The following KIF17 variants were observed in gnomAD, a reference collection of about 807,000 sequenced individuals.
KIF17 encodes the protein kinesin-like protein KIF17.
Under a neutral mutation model 96.8 loss-of-function variants are expected in KIF17, and 80 were observed. The ratio of observed to expected loss-of-function variants is 0.83; its 90% CI spans 0.69 to 1.00. The LOEUF (loss-of-function observed/expected upper bound fraction) is 1.00. Among genes scored for constraint, KIF17 ranks in the 50% least tolerant of loss-of-function variants. The pLI is 0.00. For missense variants in KIF17, 1,280 were observed against 1,372.9 expected (o/e 0.93, Z 1.07); for synonymous variants, 567 against 587.5 (o/e 0.97, Z 0.51).
chr1:20,703,503 G>C (rs200535032), intron 5 of KIF17, among the ~76,000 whole-genome samples: 24 of 27,694 alleles, frequency 8.7e-4, no homozygotes, highest in East Asian at 1.9e-3. Context: ...TGGATGCATG[G>C]ATGGATGGAT....
In KIF17 at chr1:20,709,731, C is replaced by T; in HGVS notation, c.578G>A (p.Trp193Ter). 6.2e-7 allele frequency: 1 copy of T among 1,614,086 alleles called. No homozygotes were observed. The highest frequency in any genetic ancestry group is 2.2e-5 in the East Asian group (1 of 44,886). The change falls in exon 4 of 15, where the codon TGG (tryptophan) becomes TAG (stop). Residue 193 changes from tryptophan to a stop codon, truncating the protein, a stop_gained. Transcript: ENST00000400463. LOFTEE classifies it high-confidence loss of function. The surrounding 1 kb of genome is among the most constrained non-coding windows in gnomAD (Gnocchi z 4.7). Reference protein sequence around the residue: ...AQCEHIMETGWKNRSVGYTLM... With the variant: ...AQCEHIMETG ...CGTGTAGCCGACCGAACGGTTCTTCCAGCCAGTCTCCATGATGTGCTCACA... is the reference window on the plus strand; with the variant it reads ...CGTGTAGCCGACCGAACGGTTCTTCTAGCCAGTCTCCATGATGTGCTCACA...
rs187386266 is a variant in KIF17 at position 20,705,664 on chromosome 1, C to T, written c.671-765G>A. On this transcript the variant is annotated intron_variant, in intron 4 of 14. Transcript: ENST00000400463. ...CATCACTTAAAGACAGAGCCTAGGCCATGCCTTTTCCTACACATGAGATAA... is the reference window on the plus strand; with the variant it reads ...CATCACTTAAAGACAGAGCCTAGGCTATGCCTTTTCCTACACATGAGATAA... Among the ~76,000 whole-genome samples the T allele has an allele frequency of 1.2e-3, 188 of 152,220 alleles. 1 individual carries two copies. Among genetic ancestry groups the T allele is most frequent in the Admixed American group, 3.3e-3 (51 of 15,282 alleles).
chr1:20,716,658 G>A (rs1168957074), intron 1 of KIF17, among the ~76,000 whole-genome samples: 1 of 152,232 alleles, frequency 6.6e-6, no homozygotes, highest in African/African-American at 2.4e-5. Flanking sequence ...CAGATGAGGT[G>A]TGGAGAGCAG....
chr1:20,705,490 A>G (rs6702859), intron 4 of KIF17, among the ~76,000 whole-genome samples: 64,931 of 152,016 alleles, frequency 0.43, 17,083 homozygotes, highest in Non-Finnish European at 0.6. Context: ...TAGAAGCCAC[A>G]TTTGCTCTTT....
rs2054180944 is a variant in KIF17, at chr1:20,698,455, AC to A, written c.1156del (p.Val386CysfsTer12). On this transcript the variant is annotated frameshift_variant, in exon 6 of 15. Transcript: ENST00000400463. LOFTEE classifies it high-confidence loss of function. ...GGGCAACAGCTTCTCCTCCACCTGC[AC>A]AGGGTCTGGGGGCACCTGCCTGGAC... Reference protein sequence around the residue: ...LLSRQVPPDPVQVEEKLLPQP... With the variant: ...LLSRQVPPDPXQVEEKLLPQP... The A allele has an allele frequency of 1.2e-6, 2 of 1,613,630 alleles. No homozygotes were observed. Among genetic ancestry groups the A allele is most frequent in the Non-Finnish European group, 1.7e-6 (2 of 1,179,970 alleles).
Position 20,690,267 on chromosome 1 carries a change from C to A in KIF17, c.1302G>T (p.Leu434=), listed in dbSNP as rs957769759. The part of the protein sequence containing the change: ...YKAEQESRAR[L]EEDITAMRNS... ...TGCGCATGGCAGTGATGTCTTCCTC[C>A]AGCCTGGCCCGAGACTCCTGCTCGG... The change falls in exon 7 of 15, where the codon CTG becomes CTT. Residue 434 remains leucine (L), a synonymous_variant. Transcript: ENST00000400463. 6.2e-7 allele frequency: 1 copy of A among 1,611,862 alleles called. No individual in the cohort carries two copies. Among genetic ancestry groups the A allele is most frequent in the African/African-American group, 1.3e-5 (1 of 74,444 alleles).
At chr1:20,676,848 TAAAC>T (rs1326217585) in intron 11 of KIF17, among the ~76,000 whole-genome samples, 2 of 151,688 alleles carry the variant, frequency 1.3e-5, no homozygotes, top group Non-Finnish European at 1.5e-5. Context: ...TAAAATAAAA[TAAAC>T]AACAACAACA....
intron 6 of KIF17, among the ~76,000 whole-genome samples, chr1:20,694,257 C>G (rs1188443787): frequency 6.6e-6 from 1 of 152,186 alleles, no homozygotes; most frequent in African/African-American, 2.4e-5. Flanking sequence ...ACCACCACAC[C>G]CAGCTAATTT....
intron 13 of KIF17, among the ~76,000 whole-genome samples, chr1:20,668,078 A>G (rs1243963709): frequency 3.9e-5 from 6 of 151,954 alleles, no homozygotes; most frequent in Admixed American, 6.6e-5. Context: ...TGGGAGGCCA[A>G]GGTGGGCAGA....
chr1:20,691,624 ATTTTTTTTTTTTT>A (rs72410884), intron 6 of KIF17, among the ~76,000 whole-genome samples: 25 of 123,022 alleles, frequency 2.0e-4, no homozygotes, highest in Non-Finnish European at 1.8e-4. Flanking sequence ...ACGTCTGGCT[ATTTTTTTTTTTTT>A]TTTTTTTTTT....
Position 20,704,296 on chromosome 1 carries a change from AACCAGGGCCC to A in KIF17, c.1123+141_1123+150del. 7 of 674,050 alleles carry A rather than the reference AACCAGGGCCC, an allele frequency of 1.0e-5. No homozygotes were observed. Among genetic ancestry groups the A allele is most frequent in the Admixed American group, 2.1e-5 (1 of 46,978 alleles). The allele number at this position is 674,050 out of a possible 1,614,324, so 41.8% of individuals were successfully genotyped here. ...AGCAGATACCATCTGGGCCGTCTCC[AACCAGGGCCC>A]TGCGCTCACATGGGGCTGAGGGGTG... is the stretch of plus-strand genomic sequence containing the variant. On this transcript the variant is annotated intron_variant, in intron 5 of 14. Transcript: ENST00000400463. The surrounding 1 kb of genome is among the most constrained non-coding windows in gnomAD (Gnocchi z 6.8).
chr1:20,693,682 C>T (rs1367943346), intron 6 of KIF17: 1 of 152,352 alleles, frequency 6.6e-6, no homozygotes, highest in African/African-American at 2.4e-5. Flanking sequence ...ATTTTATTCT[C>T]CTGAGGAGAC....
At position 20,700,545 on chromosome 1, in the gene KIF17, T is replaced by C. The variant is rs750907368; in HGVS notation, c.1124-2057A>G. 3.3e-5 allele frequency among the ~76,000 whole-genome samples: 5 copies of C among 152,116 alleles called. No homozygotes were observed. Among genetic ancestry groups the C allele is most frequent in the Non-Finnish European group, 7.4e-5 (5 of 68,018 alleles). On this transcript the variant is annotated intron_variant, in intron 5 of 14. Transcript: ENST00000400463. The surrounding 1 kb of genome is among the most constrained non-coding windows in gnomAD (Gnocchi z 4.6). Reference sequence around the variant, plus strand: ...CTAGCAGATTTGGGGGCCCATCGAGTTGACAGTGGGATATGTTGGGTTTGA... The same window carrying C: ...CTAGCAGATTTGGGGGCCCATCGAGCTGACAGTGGGATATGTTGGGTTTGA...
rs1199620044 is a variant in KIF17, at chr1:20,717,653, C to T, written c.54G>A (p.Arg18=). The change falls in exon 1 of 15, where the codon CGG becomes CGA. Residue 18 remains arginine (R), a synonymous_variant. Transcript: ENST00000400463. ...CGGGCTGGCAGCGCAGCTCTCGCTC[C>T]CGCTGGTTCATGGGACGGCAGCGCA... ...VVVRCRPMNQ[R]ERELRCQPVV... is the part of the protein sequence containing the mutation. The T allele has an allele frequency of 1.9e-6, 3 of 1,606,408 alleles. No homozygotes were observed. Among genetic ancestry groups the T allele is most frequent in the South Asian group, 1.1e-5 (1 of 90,932 alleles).
chr1:20,686,775 G>A (rs527560311), intron 8 of KIF17, among the ~76,000 whole-genome samples: 73 of 152,258 alleles, frequency 4.8e-4, no homozygotes, highest in Middle Eastern at 3.4e-3. Flanking sequence ...TGGCCAGGCC[G>A]GTCTTGAACT....
chr1:20,686,143 G>T lies in KIF17; in HGVS notation c.1939-17C>A. On this transcript the variant is annotated splice_polypyrimidine_tract_variant and intron_variant, in intron 8 of 14. Transcript: ENST00000400463. ...CGCAGGGACCTGGGAGGAAAGAGGG[G>T]ATGGAGGAGAAAGAAGGCTGATTTG... 1 of 1,556,908 alleles carries T rather than the reference G, an allele frequency of 6.4e-7. No homozygotes were observed. Among genetic ancestry groups the T allele is most frequent in the Non-Finnish European group, 8.7e-7 (1 of 1,148,974 alleles).
rs554101109 is a variant in KIF17 at position 20,698,409 on chromosome 1, G to A, written c.1203C>T (p.Asp401=). The change falls in exon 6 of 15, where the codon GAC becomes GAT. Residue 401 remains aspartate, a synonymous_variant. Coordinates refer to ENST00000400463, the MANE Select transcript of KIF17 (RefSeq NM_001122819.3). ...KLLPQPVIQH[D]VEAEKQLIRE... The stretch of plus-strand genomic sequence containing the variant: ...GGATCAGCTGCTTCTCGGCCTCCAC[G>A]TCATGCTGGATCACAGGTTGGGGCA... 2.0e-5 allele frequency: 32 copies of A among 1,613,800 alleles called. 1 individual carries two copies. Among genetic ancestry groups the A allele is most frequent in the African/African-American group, 1.9e-4 (14 of 75,036 alleles).
Position 20,699,848 on chromosome 1 carries a change from G to A in KIF17, c.1124-1360C>T, listed in dbSNP as rs1163966301. Among the ~76,000 whole-genome samples the A allele has an allele frequency of 6.6e-6, 1 of 152,204 alleles. No homozygotes were observed. The highest frequency in any genetic ancestry group is 1.5e-5 in the Non-Finnish European group (1 of 68,038). ...AGAGGGATAATGCCAGATTGTGACAGCTGTGGAGGGCCGGGTGAGGGCTTT... is the reference window on the plus strand; with the variant it reads ...AGAGGGATAATGCCAGATTGTGACAACTGTGGAGGGCCGGGTGAGGGCTTT... On this transcript the variant is annotated intron_variant, in intron 5 of 14. Transcript: ENST00000400463. This position sits in a 1 kb window ranked among gnomAD's most constrained non-coding sequence, Gnocchi z 4.3.
At chr1:20,682,488 C>T (rs1385679278) in intron 11 of KIF17, among the ~76,000 whole-genome samples, 165 bp downstream of exon 11, 3 of 152,106 alleles carry the variant, frequency 2.0e-5, no homozygotes, top group East Asian at 1.9e-4. Flanking sequence ...GCAGCCTGGG[C>T]GACAGAGAGA....
Sources: gnomAD v4.1 joint callset for allele counts (sites outside exome capture counted in the v4.1 genomes callset) on GRCh38, gnomAD v4.1.1 for gene constraint, Gnocchi (gnomAD v3.1) non-coding constraint, MANE v1.5 for transcripts, NCBI Gene and HGNC (gene_info 2026-07-23, HGNC 2026-07-21) for gene names.